Variants in ZNF503 observed in about 807,000 individuals in gnomAD.
The protein encoded by ZNF503 is NocA-like zinc finger 2.
In ZNF503, 15 loss-of-function variants were observed where a neutral mutation model predicts 34.4. The observed-to-expected ratio is 0.44, with a 90% confidence interval of 0.29 to 0.67. ZNF503 has a LOEUF of 0.67. Ranked by LOEUF, ZNF503 falls within the 30% of genes least tolerant of loss-of-function variation. The pLI is 0.13. For synonymous variants in ZNF503, 580 were observed against 456.8 expected (o/e 1.27, Z -3.44); for missense variants, 1,007 against 926.8 (o/e 1.09, Z -1.12).
the ZNF503 span, among the ~76,000 whole-genome samples, chr10:75,333,078 A>G: frequency 1.5e-3 from 188 of 126,912 alleles, no homozygotes; most frequent in Middle Eastern, 4.6e-3. Flanking sequence ...CTCACCTCCC[A>G]GACGGGGCGG....
the ZNF503 span, among the ~76,000 whole-genome samples, chr10:75,327,230 C>G: frequency 7.0e-6 from 1 of 143,610 alleles, no homozygotes; most frequent in African/African-American, 2.5e-5. Context: ...TTGGCTATTC[C>G]CACCCACCCT....
At chr10:75,361,627 C>A in the ZNF503 span, 5 of 152,108 alleles carry the variant, frequency 3.3e-5, no homozygotes, top group Non-Finnish European at 5.9e-5. Context: ...ACAAGGAAAC[C>A]TGTACTCCTC....
At position 75,399,664 on chromosome 10, in the gene ZNF503, G is replaced by A. The variant is rs201398115; in HGVS notation, c.1026C>T (p.Pro342=). The part of the protein sequence containing the change: ...LGSGLVAPVS[P]YKPGQTVFPL... ...GGAACACTGTCTGGCCCGGCTTGTAGGGTGACACGGGAGCCACCAGCCCAG... is the reference window on the plus strand; with the variant it reads ...GGAACACTGTCTGGCCCGGCTTGTAAGGTGACACGGGAGCCACCAGCCCAG... The change falls in exon 2 of 2, where the codon CCC becomes CCT. Residue 342 remains proline (P), a synonymous_variant. Coordinates refer to ENST00000372524, the MANE Select transcript of ZNF503 (RefSeq NM_032772.6). 4.4e-5 allele frequency: 70 copies of A among 1,599,686 alleles called. No individual in the cohort carries two copies. The highest frequency in any genetic ancestry group is 1.0e-4 in the Admixed American group (6 of 59,970).
chr10:75,306,837 C>T, the ZNF503 span, among the ~76,000 whole-genome samples: 15 of 152,214 alleles, frequency 9.9e-5, 1 homozygote, highest in East Asian at 2.7e-3. Flanking sequence ...TTTTAGGCAC[C>T]GTGAACCACG....
the ZNF503 span, among the ~76,000 whole-genome samples, chr10:75,280,557 T>TGTATGC: frequency 9.2e-6 from 1 of 108,172 alleles, no homozygotes; most frequent in East Asian, 3.2e-4. Flanking sequence ...TGTGTATGCG[T>TGTATGC]GTGTGTGTGT....
At chr10:75,378,983 C>G in the ZNF503 span, among the ~76,000 whole-genome samples, 3 of 152,124 alleles carry the variant, frequency 2.0e-5, no homozygotes, top group Non-Finnish European at 4.4e-5. Context: ...CTGTGCCTCT[C>G]CACACCCCCC....
chr10:75,335,642 A>G, the ZNF503 span, among the ~76,000 whole-genome samples: 1 of 152,146 alleles, frequency 6.6e-6, no homozygotes, highest in African/African-American at 2.4e-5. Flanking sequence ...CAACATGAGC[A>G]TTTCCTTGTA....
At chr10:75,292,114 G>A in the ZNF503 span, among the ~76,000 whole-genome samples, 1 of 152,168 alleles carries the variant, frequency 6.6e-6, no homozygotes, top group Non-Finnish European at 1.5e-5. Context: ...TGGCATGAGG[G>A]GTGAGGTCAC....
the ZNF503 span, among the ~76,000 whole-genome samples, chr10:75,323,905 G>C: frequency 6.6e-6 from 1 of 150,688 alleles, no homozygotes; most frequent in African/African-American, 2.4e-5. Flanking sequence ...GGGAGGCTGA[G>C]GCAGGAGAAT....
At chr10:75,339,715 G>A in the ZNF503 span, among the ~76,000 whole-genome samples, 2 of 152,088 alleles carry the variant, frequency 1.3e-5, no homozygotes, top group Non-Finnish European at 2.9e-5. Flanking sequence ...AAAGTAGATT[G>A]GGGGGCAAAG....
In ZNF503 at chr10:75,399,865, TC is replaced by T; in HGVS notation, c.824del (p.Gly275AspfsTer20). 6.2e-7 allele frequency: 1 copy of T among 1,601,212 alleles called. No individual in the cohort carries two copies. ...KGTGGASAEGGPTGLAHGRIS... is the reference protein window; with the variant it reads ...KGTGGASAEGXPTGLAHGRIS... The stretch of plus-strand genomic sequence containing the variant: ...TCCGGCCGTGTGCCAGCCCCGTGGG[TC>T]CCCCTTCGGCCGAGGCGCCCCCGGT... On this transcript the variant is annotated frameshift_variant, in exon 2 of 2. Coordinates refer to ENST00000372524, the MANE Select transcript of ZNF503 (RefSeq NM_032772.6). LOFTEE classifies it high-confidence loss of function.
the ZNF503 span, among the ~76,000 whole-genome samples, chr10:75,304,384 G>T: frequency 6.6e-6 from 1 of 152,056 alleles, no homozygotes; most frequent in Non-Finnish European, 1.5e-5. Context: ...AGTAAACTTG[G>T]TTATTAGTGA....
At chr10:75,313,379 C>T in the ZNF503 span, among the ~76,000 whole-genome samples, 1 of 152,258 alleles carries the variant, frequency 6.6e-6, no homozygotes, top group East Asian at 1.9e-4. Flanking sequence ...CACAAGGTAG[C>T]ACAGCTCAGT....
the ZNF503 span, among the ~76,000 whole-genome samples, chr10:75,379,559 G>A: frequency 6.6e-6 from 1 of 152,194 alleles, no homozygotes; most frequent in African/African-American, 2.4e-5. Flanking sequence ...TGCTGGGATG[G>A]ATTTTAGCAG....
the ZNF503 span, among the ~76,000 whole-genome samples, chr10:75,330,615 A>G: frequency 6.6e-6 from 1 of 152,066 alleles, no homozygotes; most frequent in Non-Finnish European, 1.5e-5. Flanking sequence ...TGCTTCCACT[A>G]AGTTTTCTAA....
At chr10:75,289,892 A>C in the ZNF503 span, among the ~76,000 whole-genome samples, 1 of 152,202 alleles carries the variant, frequency 6.6e-6, no homozygotes, top group Admixed American at 6.5e-5. Flanking sequence ...TGTACAGCTC[A>C]GTGTTATTAA....
At chr10:75,308,285 A>G in the ZNF503 span, among the ~76,000 whole-genome samples, 1 of 148,900 alleles carries the variant, frequency 6.7e-6, no homozygotes, top group Non-Finnish European at 1.5e-5. Context: ...GAATATTTTA[A>G]GCCCACTATT....
At chr10:75,300,243 C>T in the ZNF503 span, among the ~76,000 whole-genome samples, 7 of 152,176 alleles carry the variant, frequency 4.6e-5, no homozygotes, top group South Asian at 2.1e-4. Context: ...GGCTGTGTTC[C>T]GCCTGGCTCA....
chr10:75,380,022 T>G, the ZNF503 span, among the ~76,000 whole-genome samples: 3 of 152,172 alleles, frequency 2.0e-5, no homozygotes, highest in Admixed American at 6.5e-5. Context: ...ATAGAGTGTC[T>G]GGTAACATGG....
Sources: gnomAD v4.1 joint callset for allele counts (sites outside exome capture counted in the v4.1 genomes callset) on GRCh38, gnomAD v4.1.1 for gene constraint, MANE v1.5 for transcripts, NCBI Gene and HGNC (gene_info 2026-07-23, HGNC 2026-07-21) for gene names.